The following C10orf105 variants were observed in gnomAD, a reference collection of about 807,000 sequenced individuals.
The protein encoded by C10orf105 is uncharacterized protein C10orf105.
C10orf105 carries 2 observed loss-of-function variants against 0.6 expected under a neutral mutation model. The ratio of observed to expected loss-of-function variants is 3.18; its 90% CI spans 1.30 to 10.01. C10orf105 has a LOEUF of 10.01. Ranked by LOEUF, C10orf105 falls within the 30% of genes most tolerant of loss-of-function variation. C10orf105 has a pLI of 0.04. For synonymous variants in C10orf105, 95 were observed against 82.4 expected (o/e 1.15, Z -0.83); for missense variants, 209 against 191.4 (o/e 1.09, Z -0.54).
upstream of C10orf105, among the ~76,000 whole-genome samples, chr10:71,723,551 C>T (rs1443886890): frequency 6.6e-6 from 1 of 152,194 alleles, no homozygotes; most frequent in Admixed American, 6.5e-5. Flanking sequence ...AGGAGGGCTC[C>T]TGGGCTTCCA....
intron 1 of C10orf105, among the ~76,000 whole-genome samples, chr10:71,724,966 C>T (rs1866740920): frequency 6.6e-6 from 1 of 152,212 alleles, no homozygotes; most frequent in Admixed American, 6.5e-5. Flanking sequence ...GATTCAACCA[C>T]CCATGGAGAA....
chr10:71,725,489 A>G, intron 1 of C10orf105: 1 of 1,613,774 alleles, frequency 6.2e-7, no homozygotes, highest in Non-Finnish European at 8.5e-7. Context: ...GCCTACAACC[A>G]CGACCTGGGC....
chr10:71,725,088 A>AGCCCCACCG (rs1866745033), intron 1 of C10orf105, among the ~76,000 whole-genome samples: 1 of 152,144 alleles, frequency 6.6e-6, no homozygotes, highest in African/African-American at 2.4e-5. Context: ...GACCAGCAGG[A>AGCCCCACCG]GCCCCACCTG....
chr10:71,721,725 C>T (rs534394873), upstream of C10orf105, among the ~76,000 whole-genome samples: 1 of 152,350 alleles, frequency 6.6e-6, no homozygotes, highest in African/African-American at 2.4e-5. Flanking sequence ...GCTCCTCGCT[C>T]TGCCTTCATA....
At chr10:71,730,553 G>T in intron 1 of C10orf105, 2 of 1,613,910 alleles carry the variant, frequency 1.2e-6, no homozygotes, top group Non-Finnish European at 1.7e-6. Context: ...TCGAGAGACC[G>T]CAGGCATTGG....
At chr10:71,737,692 C>A (rs1241952102) in intron 1 of C10orf105, 1 of 470,026 alleles carries the variant, frequency 2.1e-6, no homozygotes. Context: ...GCTCCTCCAA[C>A]CCCCCTCACA....
chr10:71,728,053 G>GT (rs1866894156), intron 1 of C10orf105, among the ~76,000 whole-genome samples: 2 of 152,136 alleles, frequency 1.3e-5, no homozygotes, highest in African/African-American at 4.8e-5. Context: ...GCCTGGCCCT[G>GT]TTTTTTCCCC....
Position 71,715,809 on chromosome 10 carries a change from G to C in C10orf105, c.*127C>G, listed in dbSNP as rs1002922748. The C allele has an allele frequency of 2.8e-5, 26 of 913,980 alleles. No individual in the cohort carries two copies. Among genetic ancestry groups the C allele is most frequent in the East Asian group, 1.9e-4 (6 of 31,486 alleles). 56.6% of individuals were successfully genotyped at this position (913,980 alleles called of 1,614,324 possible). A position where few individuals can be genotyped will look rare whatever the true frequency, so the allele number is the denominator to read the frequency against. On this transcript the variant is annotated 3_prime_UTR_variant, in exon 2 of 2. Coordinates refer to ENST00000441508, the MANE Select transcript of C10orf105 (RefSeq NM_001164375.3). ...TGGCCTGGGCATGCAAGGAGCTTCG[G>C]GGGGTGAGTGTGTGTCCCAGACTGC...
rs550643004 is a variant in C10orf105 at position 71,732,324 on chromosome 10, C to T, written c.-6+5404G>A. The T allele has an allele frequency of 2.3e-5, 36 of 1,595,242 alleles. No individual in the cohort carries two copies. Among genetic ancestry groups the T allele is most frequent in the Middle Eastern group, 1.7e-4 (1 of 6,048 alleles). The stretch of plus-strand genomic sequence containing the variant: ...TCAACCAAATCACGTACCGCTTCAA[C>T]GCCTACACCAGCACCCAGGCCAAAG... On this transcript the variant is annotated intron_variant, in intron 1 of 1. Coordinates refer to the C10orf105 transcript ENST00000398786.
intron 1 of C10orf105, among the ~76,000 whole-genome samples, chr10:71,735,981 C>T (rs775028204): frequency 3.3e-5 from 5 of 152,264 alleles, no homozygotes; most frequent in African/African-American, 1.2e-4. Context: ...GAGCCTCACC[C>T]TCTTCATTCA....
chr10:71,731,026 CT>C (rs1281851625), intron 1 of C10orf105, among the ~76,000 whole-genome samples: 13 of 152,248 alleles, frequency 8.5e-5, no homozygotes, highest in African/African-American at 3.1e-4. Context: ...CGCAGACCCC[CT>C]GACCCTGTAC....
chr10:71,724,328 T>G (rs1866710567), upstream of C10orf105, among the ~76,000 whole-genome samples: 1 of 152,224 alleles, frequency 6.6e-6, no homozygotes. Context: ...AGTCTCCCTC[T>G]GTCGCCCAGG....
intron 1 of C10orf105, among the ~76,000 whole-genome samples, chr10:71,729,865 C>T (rs1225800514): frequency 2.0e-5 from 3 of 151,338 alleles, no homozygotes; most frequent in South Asian, 2.1e-4. Context: ...GATGGAGTCT[C>T]GCTCTGTTGC....
At chr10:71,731,207 G>C (rs1488883637) in intron 1 of C10orf105, among the ~76,000 whole-genome samples, 3 of 152,248 alleles carry the variant, frequency 2.0e-5, no homozygotes, top group Non-Finnish European at 4.4e-5. Flanking sequence ...CTGTACCCCA[G>C]TCAGGGATAC....
At chr10:71,735,828 G>T (rs1275910687) in intron 1 of C10orf105, among the ~76,000 whole-genome samples, 1 of 152,216 alleles carries the variant, frequency 6.6e-6, no homozygotes, top group Non-Finnish European at 1.5e-5. Context: ...TGATGGGCAA[G>T]AAGTCTCCAC....
chr10:71,732,303 C>T, intron 1 of C10orf105: 1 of 1,611,518 alleles, frequency 6.2e-7, no homozygotes, highest in East Asian at 2.2e-5. Context: ...ACAACCTCAA[C>T]CAAATCACGT....
At chr10:71,728,898 G>A (rs1020255656) in intron 1 of C10orf105, among the ~76,000 whole-genome samples, 1 of 152,074 alleles carries the variant, frequency 6.6e-6, no homozygotes, top group African/African-American at 2.4e-5. Flanking sequence ...GTCTCATTAT[G>A]TTGCCCAGGC....
At position 71,712,670 on chromosome 10, in the gene C10orf105, G is replaced by C. The variant is rs1368702540; in HGVS notation, c.*3266C>G. ...TCTTCCTTCAACTCCCACAGACAAC[G>C]GCCCTGTAGGGAAGCGACACACGGG... On this transcript the variant is annotated 3_prime_UTR_variant, in exon 2 of 2. Coordinates refer to ENST00000441508, the MANE Select transcript of C10orf105 (RefSeq NM_001164375.3). The C allele has an allele frequency of 1.9e-6, 3 of 1,613,362 alleles. No individual in the cohort carries two copies. The highest frequency in any genetic ancestry group is 2.5e-6 in the Non-Finnish European group (3 of 1,179,806).
intron 1 of C10orf105, among the ~76,000 whole-genome samples, chr10:71,728,731 T>C (rs1866923868): frequency 6.6e-6 from 1 of 152,188 alleles, no homozygotes; most frequent in Admixed American, 6.5e-5. Context: ...GGGAAGAGGG[T>C]GCCTCTCCTG....
Sources: gnomAD v4.1 joint callset for allele counts (sites outside exome capture counted in the v4.1 genomes callset) on GRCh38, gnomAD v4.1.1 for gene constraint, MANE v1.5 for transcripts, NCBI Gene and HGNC (gene_info 2026-07-23, HGNC 2026-07-21) for gene names.